SMCHD1: variants seen among roughly 807,000 people sequenced by gnomAD.
The protein encoded by SMCHD1 is structural maintenance of chromosomes flexible hinge domain-containing protein 1.
Under a neutral mutation model 254.7 loss-of-function variants are expected in SMCHD1, and 78 were observed. The observed-to-expected ratio is 0.31, with a 90% CI of 0.26 to 0.37. The LOEUF is 0.37. SMCHD1 is among the 10% of genes least tolerant of loss of function. The probability of loss-of-function intolerance (pLI) is 1.00; values close to 1 mark genes in which losing one functional copy is unlikely to be tolerated. For synonymous variants in SMCHD1, 766 were observed against 794.9 expected (o/e 0.96, Z 0.61); for missense variants, 1,840 against 2,408.1 (o/e 0.76, Z 4.94).
chr18:2,797,188 A>G (rs1043534869), intron 47 of SMCHD1, among the ~76,000 whole-genome samples: 1 of 152,186 alleles, frequency 6.6e-6, no homozygotes, highest in African/African-American at 2.4e-5. Context: ...CACTTATTTT[A>G]AAATTGCTTA....
intron 44 of SMCHD1, among the ~76,000 whole-genome samples, chr18:2,780,266 AG>A (rs759536022): frequency 4.2e-5 from 5 of 119,550 alleles, no homozygotes; most frequent in East Asian, 5.3e-4. Flanking sequence ...AAAAAAAAAA[AG>A]GCAATAATAA....
At chr18:2,795,286 T>C (rs1249310292) in intron 45 of SMCHD1, among the ~76,000 whole-genome samples, 3 of 145,210 alleles carry the variant, frequency 2.1e-5, no homozygotes, top group African/African-American at 7.5e-5. Context: ...CTTTATCTCC[T>C]GACCTCGTGA....
intron 22 of SMCHD1, chr18:2,726,830 T>G (rs1373197402): frequency 6.3e-6 from 1 of 158,658 alleles, no homozygotes; most frequent in Non-Finnish European, 1.4e-5. Flanking sequence ...TACATTTTGT[T>G]GATAAAACTG....
Position 2,771,619 on chromosome 18 carries a change from G to A in SMCHD1, c.5052+1G>A. 6.5e-7 allele frequency: 1 copy of A among 1,538,960 alleles called. No individual in the cohort carries two copies. Among genetic ancestry groups the A allele is most frequent in the Non-Finnish European group, 8.7e-7 (1 of 1,154,244 alleles). On this transcript the variant is annotated splice_donor_variant, in intron 40 of 47. Transcript: ENST00000320876. LOFTEE classifies it high-confidence loss of function. ...TATTGACATTCCTACAACACAACAG[G>A]TACAGCTTCCAACTATACGTGAAAG...
chr18:2,681,518 G>A (rs1487030618), intron 5 of SMCHD1, among the ~76,000 whole-genome samples: 3 of 148,866 alleles, frequency 2.0e-5, no homozygotes, highest in East Asian at 2.0e-4. Context: ...CTAGGAGGTC[G>A]AGGCCGCAGT....
At position 2,796,389 on chromosome 18, in the gene SMCHD1, C is replaced by T; in HGVS notation, c.5879-18C>T. Reference sequence around the variant, plus strand: ...TTTTTATTGTAAATTTAACTTTCTACATTTTCCATCTTCACAGGTATGACT... The same window carrying T: ...TTTTTATTGTAAATTTAACTTTCTATATTTTCCATCTTCACAGGTATGACT... On this transcript the variant is annotated intron_variant, in intron 46 of 47. Coordinates refer to ENST00000320876, the MANE Select transcript of SMCHD1 (RefSeq NM_015295.3). The T allele has an allele frequency of 6.9e-7, 1 of 1,442,342 alleles. No individual in the cohort carries two copies. The highest frequency in any genetic ancestry group is 9.5e-7 in the Non-Finnish European group (1 of 1,057,426). The allele number at this position is 1,442,342 out of a possible 1,614,324, so 89.3% of individuals were successfully genotyped here.
At chr18:2,799,422 A>G (rs1311370443) in intron 47 of SMCHD1, among the ~76,000 whole-genome samples, 1 of 152,186 alleles carries the variant, frequency 6.6e-6, no homozygotes, top group Admixed American at 6.5e-5. Context: ...CTTGTATCCT[A>G]TGCATCCTTA....
At chr18:2,693,040 A>G (rs920867547) in intron 7 of SMCHD1, among the ~76,000 whole-genome samples, 6 of 152,234 alleles carry the variant, frequency 3.9e-5, no homozygotes, top group African/African-American at 1.4e-4. Flanking sequence ...GAGATGCATT[A>G]TAATGGTTTT....
At chr18:2,675,522 C>G (rs1387068204) in intron 5 of SMCHD1, among the ~76,000 whole-genome samples, 1 of 152,154 alleles carries the variant, frequency 6.6e-6, no homozygotes, top group Non-Finnish European at 1.5e-5. Context: ...CTCAGCCTCC[C>G]ATAGTGCTAG....
At chr18:2,666,122 G>A in intron 1 of SMCHD1, 35 bp from the exon 2 acceptor site, 3 of 938,792 alleles carry the variant, frequency 3.2e-6, no homozygotes, top group Middle Eastern at 2.1e-4. Flanking sequence ...TATTTCCTTT[G>A]TGTAATAAGT....
At chr18:2,776,579 T>C (rs145580108) in intron 42 of SMCHD1, among the ~76,000 whole-genome samples, 2 of 152,232 alleles carry the variant, frequency 1.3e-5, no homozygotes, top group East Asian at 1.9e-4. Context: ...AGGAAGGAAA[T>C]ACTAACAAAA....
At chr18:2,659,794 T>C (rs1598272409) in intron 1 of SMCHD1, among the ~76,000 whole-genome samples, 1 of 147,798 alleles carries the variant, frequency 6.8e-6, no homozygotes, top group Non-Finnish European at 1.5e-5. Flanking sequence ...CAGAAAACTA[T>C]GGCTTAGCAA....
At chr18:2,675,565 G>C (rs2073727751) in intron 5 of SMCHD1, among the ~76,000 whole-genome samples, 1 of 152,030 alleles carries the variant, frequency 6.6e-6, no homozygotes, top group Non-Finnish European at 1.5e-5. Context: ...ACCTGGCCTA[G>C]ATTTCTCCAC....
chr18:2,658,902 G>GTATACGCATATATACATATATACACA (rs1241350979), intron 1 of SMCHD1, among the ~76,000 whole-genome samples: 4 of 149,488 alleles, frequency 2.7e-5, no homozygotes, highest in African/African-American at 9.9e-5. Flanking sequence ...ATATATACGT[G>GTATACGCATATATACATATATACACA]TATACGCATA....
At chr18:2,662,898 A>T (rs1221671754) in intron 1 of SMCHD1, among the ~76,000 whole-genome samples, 1 of 152,128 alleles carries the variant, frequency 6.6e-6, no homozygotes, top group African/African-American at 2.4e-5. Context: ...AAGTATGCCA[A>T]ATTAATTACT....
chr18:2,702,753 G>A (rs144137373), intron 12 of SMCHD1, among the ~76,000 whole-genome samples: 1 of 152,206 alleles, frequency 6.6e-6, no homozygotes, highest in Non-Finnish European at 1.5e-5. Flanking sequence ...AACTAAGATA[G>A]TATCCTTCTT....
At chr18:2,751,655 A>G (rs762507582) in intron 33 of SMCHD1, among the ~76,000 whole-genome samples, 69 of 152,256 alleles carry the variant, frequency 4.5e-4, no homozygotes, top group Non-Finnish European at 8.5e-4. Context: ...CATCTGAAGG[A>G]CAGTAGCACA....
At position 2,697,032 on chromosome 18, in the gene SMCHD1, G is replaced by A; in HGVS notation, c.1041G>A (p.Ala347=). ...ATAAAATTATTCTTCTCTATTTTAG[G>A]CATATTTATCACTACTATATTCATG... ...NYFHLWTRQL[A]HIYHYYIHGP... Residue 347 remains alanine (A), a splice_region_variant and synonymous_variant, in exon 9 of 48, where the codon GCG becomes GCA. Transcript: ENST00000320876. The A allele has an allele frequency of 1.5e-6, 2 of 1,297,424 alleles. No individual in the cohort carries two copies. Among genetic ancestry groups the A allele is most frequent in the Non-Finnish European group, 1.0e-6 (1 of 952,550 alleles). The allele number at this position is 1,297,424 out of a possible 1,614,324, so 80.4% of individuals were successfully genotyped here. A position where few individuals can be genotyped will look rare whatever the true frequency, so the allele number is the denominator to read the frequency against.
chr18:2,675,484 C>T (rs1386952483), intron 5 of SMCHD1, among the ~76,000 whole-genome samples: 10 of 151,994 alleles, frequency 6.6e-5, no homozygotes, highest in African/African-American at 2.2e-4. Context: ...AGTCTGGTCT[C>T]GAACTCCTGA....
Sources: allele counts gnomAD v4.1 joint callset (sites outside exome capture counted in the v4.1 genomes callset), GRCh38; gene constraint gnomAD v4.1.1; transcripts MANE v1.5; gene names NCBI Gene and HGNC (gene_info 2026-07-23, HGNC 2026-07-21).